ABCG8: variants seen among roughly 807,000 people sequenced by gnomAD.
The protein encoded by ABCG8 is ATP-binding cassette sub-family G member 8.
In ABCG8, 81 loss-of-function variants were observed where a neutral mutation model predicts 71.3. That is an observed-to-expected ratio of 1.14 (90% CI 0.95 to 1.37). The LOEUF is 1.37. Ranked by LOEUF, ABCG8 falls within the 40% of genes most tolerant of loss-of-function variation. The probability of loss-of-function intolerance (pLI) is 0.00; values close to 1 mark genes in which losing one functional copy is unlikely to be tolerated. For missense variants in ABCG8, 1,119 were observed against 866.2 expected, an observed-to-expected ratio of 1.29 and a Z score of -3.66; for synonymous variants, 451 against 354.7, an observed-to-expected ratio of 1.27 and a Z score of -3.05.
rs1213546540 is a variant in ABCG8, at chr2:43,846,331, C to T, written c.322+20C>T. 2 of 1,614,100 alleles carry T rather than the reference C, an allele frequency of 1.2e-6. No homozygotes were observed. The highest frequency in any genetic ancestry group is 1.1e-5 in the South Asian group (1 of 91,056). ...GCTCAGGTACCGGAAAGGCAAATCG[C>T]TGGGCAATGGTTTCTCTCCTGGGAT... is the stretch of plus-strand genomic sequence containing the variant. On this transcript the variant is annotated intron_variant, in intron 3 of 12. Transcript: ENST00000272286.
rs1670132551 is a variant in ABCG8, at chr2:43,881,602, G to A, written c.*3689G>A. 6.6e-6 allele frequency: 1 copy of A among 152,162 alleles called. No individual in the cohort carries two copies. Among genetic ancestry groups the A allele is most frequent in the Non-Finnish European group, 1.5e-5 (1 of 68,108 alleles). The allele number at this position is 152,162 out of a possible 1,614,324, so 9.4% of individuals were successfully genotyped here. On this transcript the variant is annotated 3_prime_UTR_variant, in exon 13 of 13. Transcript: ENST00000272286. ...TGCGTGCCTGTAGTTCCAGCTACTTGGGAGGTTGAGGCAGGAGAATCGCTT... is the reference window on the plus strand; with the variant it reads ...TGCGTGCCTGTAGTTCCAGCTACTTAGGAGGTTGAGGCAGGAGAATCGCTT...
In ABCG8 at chr2:43,873,873, T is replaced by A; in HGVS notation, c.1298T>A (p.Phe433Tyr). 6.2e-7 allele frequency: 1 copy of A among 1,614,144 alleles called. No individual in the cohort carries two copies. Among genetic ancestry groups the A allele is most frequent in the South Asian group, 1.1e-5 (1 of 91,070 alleles). The change falls in exon 9 of 13, where the codon TTC (phenylalanine) becomes TAC (tyrosine). Residue 433 changes from phenylalanine to tyrosine, a missense_variant. Transcript: ENST00000272286. Reference sequence around the variant, plus strand: ...TGTCTGATGTCAATGACCATCGGCTTCCTCTATTTTGGCCATGGGAGCATC... The same window carrying A: ...TGTCTGATGTCAATGACCATCGGCTACCTCTATTTTGGCCATGGGAGCATC... ...EACLMSMTIG[F>Y]LYFGHGSIQL...
chr2:43,852,932 G>T lies in ABCG8; in HGVS notation c.964+64G>T, dbSNP rs561706457. On this transcript the variant is annotated intron_variant, in intron 6 of 12. Coordinates refer to ENST00000272286, the MANE Select transcript of ABCG8 (RefSeq NM_022437.3). Reference sequence around the variant, plus strand: ...AGGGCCTCCCCGATGCTTAAACCCTGCCCAAGCTTGCTGGAAAGATTCAGG... The same window carrying T: ...AGGGCCTCCCCGATGCTTAAACCCTTCCCAAGCTTGCTGGAAAGATTCAGG... 1.9e-6 allele frequency: 3 copies of T among 1,582,968 alleles called. No homozygotes were observed. The African/African-American group carries it at 4.3e-5, about 23-fold the overall frequency.
chr2:43,870,533 A>G (rs1450877808), intron 6 of ABCG8, among the ~76,000 whole-genome samples: 1 of 151,770 alleles, frequency 6.6e-6, no homozygotes, highest in African/African-American at 2.4e-5. Flanking sequence ...CACCCTTTGG[A>G]TAGAACTCTC....
chr2:43,855,025 A>G (rs189023036), intron 6 of ABCG8, among the ~76,000 whole-genome samples: 1 of 152,350 alleles, frequency 6.6e-6, no homozygotes, highest in East Asian at 1.9e-4. Flanking sequence ...GCCGGTCCCT[A>G]GAACCCTCCA....
rs567959280 is a variant in ABCG8, at chr2:43,839,009, G to A, written c.-45G>A. 6.5e-7 allele frequency: 1 copy of A among 1,534,194 alleles called. No homozygotes were observed. The highest frequency in any genetic ancestry group is 1.2e-5 in the South Asian group (1 of 83,498). On this transcript the variant is annotated 5_prime_UTR_variant, in exon 1 of 13. Transcript: ENST00000272286. ...ACACTGGCCCTGGCAGGCAGCAGCT[G>A]GGTCTAAGAGAGCTGCAGCCCAGGG... is the stretch of plus-strand genomic sequence containing the variant.
chr2:43,874,133 C>A, intron 9 of ABCG8, 147 bp downstream of exon 9: 1 of 954,046 alleles, frequency 1.0e-6, no homozygotes, highest in Non-Finnish European at 1.6e-6. Context: ...TTAATATTAG[C>A]ATACAAATGA....
intron 3 of ABCG8, chr2:43,848,217 G>A (rs1052729310): frequency 6.6e-6 from 1 of 152,234 alleles, no homozygotes; most frequent in Non-Finnish European, 1.5e-5. Context: ...GAATCTGGCA[G>A]CACTCAAAAA....
At chr2:43,849,407 C>G (rs1478250730) in intron 3 of ABCG8, among the ~76,000 whole-genome samples, 2 of 152,162 alleles carry the variant, frequency 1.3e-5, no homozygotes, top group Non-Finnish European at 2.9e-5. Flanking sequence ...CTGCCAAAAA[C>G]TTTTAAACCA....
chr2:43,875,201 C>T lies in ABCG8; in HGVS notation c.1544C>T (p.Thr515Ile), dbSNP rs1217995473. 3 of 1,614,262 alleles carry T rather than the reference C, an allele frequency of 1.9e-6. No individual in the cohort carries two copies. The highest frequency in any genetic ancestry group is 2.2e-5 in the East Asian group (1 of 44,888). Residue 515 changes from threonine (T) to isoleucine (I), a missense_variant, in exon 11 of 13, where the codon ACC (threonine) becomes ATC (isoleucine). Thr to Ile is a moderately conservative substitution (Grantham distance 89, BLOSUM62 -1). Coordinates refer to ENST00000272286, the MANE Select transcript of ABCG8 (RefSeq NM_022437.3). ...CAYIIIYGMP[T>I]YWLANLRPGL... is the part of the protein sequence containing the mutation. ...TACATCATCATCTACGGGATGCCCA[C>T]CTACTGGCTGGCCAACCTGAGGCCA... is the stretch of plus-strand genomic sequence containing the variant.
rs565160648 is a variant in ABCG8, at chr2:43,878,504, A to G, written c.*591A>G. 1.7e-5 allele frequency: 3 copies of G among 176,548 alleles called. No homozygotes were observed. Among genetic ancestry groups the G allele is most frequent in the Non-Finnish European group, 2.5e-5 (2 of 81,020 alleles). 10.9% of individuals were successfully genotyped at this position (176,548 alleles called of 1,614,324 possible). A position where few individuals can be genotyped will look rare whatever the true frequency, so the allele number is the denominator to read the frequency against. ...TCCTGTGAAAACACTTTAGGTGGAC[A>G]ATCCCTTGAGGTAAGTGGTATCCCA... On this transcript the variant is annotated 3_prime_UTR_variant, in exon 13 of 13. Transcript: ENST00000272286.
At position 43,839,161 on chromosome 2, in the gene ABCG8, G is replaced by A. The variant is rs1668468523; in HGVS notation, c.63+45G>A. On this transcript the variant is annotated intron_variant, in intron 1 of 12. Transcript: ENST00000272286. ...TCGGCCCAGGCCTGGTGGGCGGGTA[G>A]GAGAAATCAAACCTTTCTCTCTTCC... 4 of 1,545,426 alleles carry A rather than the reference G, an allele frequency of 2.6e-6. No individual in the cohort carries two copies. The South Asian group carries it at 3.6e-5, about 14-fold the overall frequency.
At chr2:43,875,093 TAATG>T in intron 10 of ABCG8, 49 bp from the exon 11 acceptor site, 1 of 1,613,102 alleles carries the variant, frequency 6.2e-7, no homozygotes, top group Non-Finnish European at 8.5e-7. Flanking sequence ...ACGTTTATAA[TAATG>T]GCAGTGAAGG....
chr2:43,875,171 G>A lies in ABCG8; in HGVS notation c.1514G>A (p.Cys505Tyr). ...ATCCTCGGGGAGCTTCCGGAGCACT[G>A]TGCCTACATCATCATCTACGGGATG... ...AKILGELPEHCAYIIIYGMPT... is the reference protein window; with the variant it reads ...AKILGELPEHYAYIIIYGMPT... Residue 505 changes from cysteine (C) to tyrosine (Y), a missense_variant, in exon 11 of 13, where the codon TGT becomes TAT. Physicochemically the swap from Cys to Tyr is radical, Grantham distance 194 (BLOSUM62 -2). Transcript: ENST00000272286. The A allele has an allele frequency of 6.2e-7, 1 of 1,614,252 alleles. No individual in the cohort carries two copies. The highest frequency in any genetic ancestry group is 1.1e-5 in the South Asian group (1 of 91,084).
chr2:43,844,685 G>C, intron 2 of ABCG8, 77 bp downstream of exon 2: 1 of 1,207,474 alleles, frequency 8.3e-7, no homozygotes, highest in Non-Finnish European at 1.2e-6. Flanking sequence ...AAATAAAAGG[G>C]TGGGCCCAAC....
At chr2:43,872,162 A>C in intron 7 of ABCG8, 24 bp downstream of exon 7, 7 of 1,614,054 alleles carry the variant, frequency 4.3e-6, no homozygotes, top group Non-Finnish European at 5.9e-6. Context: ...CGACTCTGAG[A>C]GGAGAGCTCC....
At chr2:43,862,296 C>T (rs1669351525) in intron 6 of ABCG8, among the ~76,000 whole-genome samples, 1 of 151,308 alleles carries the variant, frequency 6.6e-6, no homozygotes, top group South Asian at 2.1e-4. Flanking sequence ...TTCTCACTCT[C>T]TTGGTAGAAC....
rs1558866478 is a variant in ABCG8, at chr2:43,878,569, T to G, written c.*656T>G. ...AAACTGAAGCAAAAATTCATTTTCC[T>G]AAGGGCACATGGATACTTTGTGGTG... On this transcript the variant is annotated 3_prime_UTR_variant, in exon 13 of 13. Coordinates refer to ENST00000272286, the MANE Select transcript of ABCG8 (RefSeq NM_022437.3). The G allele has an allele frequency of 6.1e-6, 1 of 164,204 alleles. No homozygotes were observed. Among genetic ancestry groups the G allele is most frequent in the Non-Finnish European group, 1.3e-5 (1 of 74,156 alleles). The allele number at this position is 164,204 out of a possible 1,614,324, so 10.2% of individuals were successfully genotyped here. A position where few individuals can be genotyped will look rare whatever the true frequency, so the allele number is the denominator to read the frequency against.
chr2:43,863,525 T>C (rs1262081342), intron 6 of ABCG8, among the ~76,000 whole-genome samples: 1 of 151,134 alleles, frequency 6.6e-6, no homozygotes, highest in Non-Finnish European at 1.5e-5. Context: ...ACTGTCACTA[T>C]CTGGATAGAA....
Sources: allele counts gnomAD v4.1 joint callset (sites outside exome capture counted in the v4.1 genomes callset), GRCh38; gene constraint gnomAD v4.1.1; transcripts MANE v1.5; gene names NCBI Gene and HGNC (gene_info 2026-07-23, HGNC 2026-07-21).